The following NEURL1B variants were observed in gnomAD, a reference collection of about 807,000 sequenced individuals.
NEURL1B encodes E3 ubiquitin-protein ligase NEURL1B.
A neutral mutation model predicts 37.4 loss-of-function variants in NEURL1B; 13 were observed. The ratio of observed to expected loss-of-function variants is 0.35; its 90% confidence interval spans 0.23 to 0.55. The LOEUF (loss-of-function observed/expected upper bound fraction) is 0.55. Ranked by LOEUF, NEURL1B falls within the 20% of genes least tolerant of loss-of-function variation. NEURL1B has a pLI of 0.89. For synonymous variants in NEURL1B, 432 were observed against 426.6 expected (o/e 1.01, Z -0.16); for missense variants, 790 against 879.2 (o/e 0.90, Z 1.28).
Position 172,686,799 on chromosome 5 carries a change from C to T in NEURL1B, c.1542C>T (p.Val514=), listed in dbSNP as rs1467987347. Residue 514 remains valine, a synonymous_variant, in exon 5 of 5, where the codon GTC becomes GTT. Coordinates refer to ENST00000369800, the MANE Select transcript of NEURL1B (RefSeq NM_001142651.3). This position sits in a 1 kb window ranked among gnomAD's most constrained non-coding sequence, Gnocchi z 7.9. ...GCTTCGATGGCGAGGTGGACACGGT[C>T]ATCTACACGTGTGGACACATGTGCC... ...TVCFDGEVDT[V]IYTCGHMCLC... is the part of the protein sequence containing the mutation. 1.3e-6 allele frequency: 2 copies of T among 1,551,698 alleles called. No homozygotes were observed. Among genetic ancestry groups the T allele is most frequent in the Non-Finnish European group, 1.7e-6 (2 of 1,147,328 alleles).
intron 1 of NEURL1B, among the ~76,000 whole-genome samples, chr5:172,645,383 A>G (rs1757541715): frequency 1.3e-5 from 2 of 152,098 alleles, no homozygotes; most frequent in Admixed American, 1.3e-4. Context: ...TGGCCCAGAT[A>G]AGGGGCCATG....
At chr5:172,659,758 G>T (rs928745911) in intron 1 of NEURL1B, among the ~76,000 whole-genome samples, 1 of 151,962 alleles carries the variant, frequency 6.6e-6, no homozygotes, top group Non-Finnish European at 1.5e-5. Flanking sequence ...CTCCCTTCTG[G>T]CCTGTACTCC....
intron 1 of NEURL1B, among the ~76,000 whole-genome samples, chr5:172,652,638 T>A (rs1462672413): frequency 2.6e-5 from 4 of 152,212 alleles, no homozygotes; most frequent in African/African-American, 9.6e-5. Flanking sequence ...GGGGTCTTTA[T>A]CGAAATCTTC....
chr5:172,655,378 A>G (rs992694409), intron 1 of NEURL1B, among the ~76,000 whole-genome samples: 1 of 151,946 alleles, frequency 6.6e-6, no homozygotes, highest in Non-Finnish European at 1.5e-5. Context: ...TCCTTTGCAC[A>G]CTTCCCACTT....
At position 172,690,878 on chromosome 5, in the gene NEURL1B, T is replaced by G. The variant is rs1219864137; in HGVS notation, c.*3953T>G. The G allele has an allele frequency of 6.6e-6, 1 of 152,242 alleles. No homozygotes were observed. Among genetic ancestry groups the G allele is most frequent in the Non-Finnish European group, 1.5e-5 (1 of 68,098 alleles). The allele number at this position is 152,242 out of a possible 1,614,324, so 9.4% of individuals were successfully genotyped here. On this transcript the variant is annotated 3_prime_UTR_variant, in exon 5 of 5. Coordinates refer to ENST00000369800, the MANE Select transcript of NEURL1B (RefSeq NM_001142651.3). ...GTGAGGAGGTTGGCTAATTGCTGCT[T>G]TCAGGCCCTGGAAATCAGTCGCCAA...
At chr5:172,644,705 T>C (rs547608475) in intron 1 of NEURL1B, among the ~76,000 whole-genome samples, 2 of 152,332 alleles carry the variant, frequency 1.3e-5, no homozygotes, top group African/African-American at 2.4e-5. Context: ...TAAGACACTT[T>C]GCATACAGTT....
At chr5:172,646,399 G>A (rs572651344) in intron 1 of NEURL1B, among the ~76,000 whole-genome samples, 4 of 152,310 alleles carry the variant, frequency 2.6e-5, no homozygotes, top group Admixed American at 6.5e-5. Flanking sequence ...CTAGAGTCCC[G>A]GCACGGGGCT....
chr5:172,672,305 G>T (rs7734455), intron 2 of NEURL1B, among the ~76,000 whole-genome samples: 31,420 of 151,882 alleles, frequency 0.21, 4,486 homozygotes, highest in African/African-American at 0.42. Flanking sequence ...GGAGATGCAG[G>T]TTTCTGAAAC....
Position 172,688,222 on chromosome 5 carries a change from C to CTCCACCTCTGCCCTCTT in NEURL1B, c.*1298_*1314dup. 1 of 153,168 alleles carries CTCCACCTCTGCCCTCTT rather than the reference C, an allele frequency of 6.5e-6. No individual in the cohort carries two copies. Among genetic ancestry groups the CTCCACCTCTGCCCTCTT allele is most frequent in the Admixed American group, 6.5e-5 (1 of 15,304 alleles). The allele number at this position is 153,168 out of a possible 1,614,324, so 9.5% of individuals were successfully genotyped here. On this transcript the variant is annotated 3_prime_UTR_variant, in exon 5 of 5. Coordinates refer to ENST00000369800, the MANE Select transcript of NEURL1B (RefSeq NM_001142651.3). The surrounding 1 kb of genome is among the most constrained non-coding windows in gnomAD (Gnocchi z 4.3). ...CTCCCTTCTTGCCCCCAGTTCTGGG[C>CTCCACCTCTGCCCTCTT]TCCACCTCTGCCCTCTTCTGTGCTG... is the stretch of plus-strand genomic sequence containing the variant.
Position 172,661,191 on chromosome 5 carries a change from C to G in NEURL1B, c.32-8594C>G, listed in dbSNP as rs1757894660. Reference sequence around the variant, plus strand: ...TCATTTGAACCAGAGATTTCTCACTCAAGGTCTACAGTCCAAGGACGCATG... The same window carrying G: ...TCATTTGAACCAGAGATTTCTCACTGAAGGTCTACAGTCCAAGGACGCATG... On this transcript the variant is annotated intron_variant, in intron 1 of 4. Coordinates refer to ENST00000369800, the MANE Select transcript of NEURL1B (RefSeq NM_001142651.3). This position sits in a 1 kb window ranked among gnomAD's most constrained non-coding sequence, Gnocchi z 4.0. 6.6e-6 allele frequency among the ~76,000 whole-genome samples: 1 copy of G among 152,210 alleles called. No individual in the cohort carries two copies. Among genetic ancestry groups the G allele is most frequent in the African/African-American group, 2.4e-5 (1 of 41,454 alleles).
chr5:172,659,193 CTGT>C (rs1757851397), intron 1 of NEURL1B, among the ~76,000 whole-genome samples: 1 of 152,144 alleles, frequency 6.6e-6, no homozygotes, highest in Non-Finnish European at 1.5e-5. Flanking sequence ...TTTTGCCCAG[CTGT>C]TGGGGTGTGA....
At chr5:172,670,439 G>T in intron 2 of NEURL1B, 109 bp downstream of exon 2, 1 of 900,012 alleles carries the variant, frequency 1.1e-6, no homozygotes, top group Non-Finnish European at 1.5e-6. Context: ...CTTTTGCCAG[G>T]CGTGGCACTA....
At chr5:172,659,416 C>T (rs1757854536) in intron 1 of NEURL1B, among the ~76,000 whole-genome samples, 1 of 152,148 alleles carries the variant, frequency 6.6e-6, no homozygotes, top group Non-Finnish European at 1.5e-5. Flanking sequence ...GGCCTGGCAA[C>T]CTCAGCCAGC....
chr5:172,668,422 C>G (rs142769967), intron 1 of NEURL1B, among the ~76,000 whole-genome samples: 2,002 of 152,286 alleles, frequency 0.013, 23 homozygotes, highest in South Asian at 0.024. Flanking sequence ...GTGATTTCCT[C>G]CCCCCGTGAC....
rs1431242681 is a variant in NEURL1B at position 172,683,857 on chromosome 5, C to A, written c.1016C>A (p.Ala339Asp). 1.5e-6 allele frequency: 2 copies of A among 1,367,370 alleles called. No individual in the cohort carries two copies. Among genetic ancestry groups the A allele is most frequent in the Admixed American group, 3.0e-5 (1 of 32,952 alleles). 84.7% of individuals were successfully genotyped at this position (1,367,370 alleles called of 1,614,324 possible). The change falls in exon 3 of 5, where the codon GCC becomes GAC. Residue 339 changes from alanine to aspartate, a missense_variant. By Grantham distance (126) the Ala-to-Asp change is moderately radical. Around this residue, in one of 3 missense-constraint regions of NEURL1B, gnomAD observed 460 missense variants for 407.4 expected, o/e 1.13. Coordinates refer to ENST00000369800, the MANE Select transcript of NEURL1B (RefSeq NM_001142651.3). This position sits in a 1 kb window ranked among gnomAD's most constrained non-coding sequence, Gnocchi z 5.6. ...RPGLAAPGAL[A>D]FGITSCDPGV... ...GGGCTGGCGGCGCCCGGCGCGCTGGCCTTCGGCATCACGTCGTGCGACCCG... is the reference window on the plus strand; with the variant it reads ...GGGCTGGCGGCGCCCGGCGCGCTGGACTTCGGCATCACGTCGTGCGACCCG...
At chr5:172,650,231 G>A (rs1757636675) in intron 1 of NEURL1B, among the ~76,000 whole-genome samples, 1 of 152,144 alleles carries the variant, frequency 6.6e-6, no homozygotes, top group Admixed American at 6.5e-5. Context: ...TAACTTTCCA[G>A]TCCAAACAAG....
intron 1 of NEURL1B, among the ~76,000 whole-genome samples, chr5:172,653,951 A>G (rs765460816): frequency 6.6e-6 from 1 of 152,184 alleles, no homozygotes; most frequent in Non-Finnish European, 1.5e-5. Flanking sequence ...TAGGACAATA[A>G]TTTACCATAT....
rs1041954725 is a variant in NEURL1B, at chr5:172,675,314, T to A, written c.577+4984T>A. ...CTGTACTGTGGTATGCCTATCTGGT[T>A]CCTTTCTCCCTCGTGGCTCCTGCCC... is the stretch of plus-strand genomic sequence containing the variant. On this transcript the variant is annotated intron_variant, in intron 2 of 4. Transcript: ENST00000369800. This position sits in a 1 kb window ranked among gnomAD's most constrained non-coding sequence, Gnocchi z 4.7. Among the ~76,000 whole-genome samples, 2 of 152,184 alleles carry A rather than the reference T, an allele frequency of 1.3e-5. No individual in the cohort carries two copies. Among genetic ancestry groups the A allele is most frequent in the Non-Finnish European group, 2.9e-5 (2 of 68,036 alleles).
chr5:172,685,965 T>G (rs1473314207), intron 3 of NEURL1B, among the ~76,000 whole-genome samples: 1 of 152,152 alleles, frequency 6.6e-6, no homozygotes, highest in Non-Finnish European at 1.5e-5. Flanking sequence ...GGGCTGTTTC[T>G]GAAAGAGAAG....
Sources: allele counts gnomAD v4.1 joint callset (sites outside exome capture counted in the v4.1 genomes callset), GRCh38; gene constraint gnomAD v4.1.1; regional missense constraint gnomAD v4.1.1; non-coding constraint Gnocchi (gnomAD v3.1); transcripts MANE v1.5; gene names NCBI Gene and HGNC (gene_info 2026-07-23, HGNC 2026-07-21).